Variants in LARP1 observed in about 807,000 individuals in gnomAD.
LARP1 encodes the protein la-related protein 1.
LARP1 carries 36 observed loss-of-function variants against 122.7 expected under a neutral mutation model. That is an observed-to-expected ratio of 0.29 (90% CI 0.22 to 0.39). LARP1 has a LOEUF of 0.39. Ranked by LOEUF, LARP1 falls within the 10% of genes least tolerant of loss-of-function variation. LARP1 has a pLI of 1.00. For synonymous variants in LARP1, 539 were observed against 528.7 expected (o/e 1.02, Z -0.27); for missense variants, 1,040 against 1,403.6 (o/e 0.74, Z 4.14).
At chr5:154,752,480 T>C (rs975302410), upstream of LARP1, among the ~76,000 whole-genome samples, 2 of 151,950 alleles carry the variant, frequency 1.3e-5, no homozygotes, top group African/African-American at 4.8e-5. Flanking sequence ...TGACCTCAGG[T>C]GATCTGCCTG....
intron 1 of LARP1, among the ~76,000 whole-genome samples, chr5:154,725,082 A>C (rs1296181321): frequency 6.6e-6 from 1 of 151,894 alleles, no homozygotes; most frequent in East Asian, 1.9e-4. Flanking sequence ...TTGTCTCTAC[A>C]AAAAAACTTT....
At chr5:154,797,229 T>G (rs1346775124) in intron 8 of LARP1, among the ~76,000 whole-genome samples, 81 of 121,776 alleles carry the variant, frequency 6.7e-4, no homozygotes, top group African/African-American at 2.7e-3. Context: ...TTGTTTTTTT[T>G]TTTTTTTTTT....
intron 1 of LARP1, among the ~76,000 whole-genome samples, chr5:154,775,360 G>A (rs1281517654): frequency 6.6e-6 from 1 of 151,988 alleles, no homozygotes. Context: ...GGGTGTGGTG[G>A]CAAGCACCTA....
chr5:154,708,526 C>T (rs895389384), upstream of LARP1, among the ~76,000 whole-genome samples: 2 of 152,166 alleles, frequency 1.3e-5, no homozygotes, highest in Non-Finnish European at 2.9e-5. Flanking sequence ...TGTCCATTTC[C>T]TCACAGAGCT....
chr5:154,794,009 G>A lies in LARP1; in HGVS notation c.1069+9G>A. 3 of 1,608,448 alleles carry A rather than the reference G, an allele frequency of 1.9e-6. No individual in the cohort carries two copies. The highest frequency in any genetic ancestry group is 2.6e-6 in the Non-Finnish European group (3 of 1,176,134). ...CCGGGGTGGCACTCGAAGTACGTGA[G>A]GCCCCTTTGGGCTCCGGGATGTCCA... On this transcript the variant is annotated intron_variant, in intron 6 of 18. Transcript: ENST00000518297.
At chr5:154,756,695 G>A (rs907690594) in intron 1 of LARP1, among the ~76,000 whole-genome samples, 1 of 152,156 alleles carries the variant, frequency 6.6e-6, no homozygotes, top group African/African-American at 2.4e-5. Context: ...GCACGGATGC[G>A]GGGATTAAAA....
chr5:154,688,424 C>T (rs1212220637), intron 1 of LARP1, among the ~76,000 whole-genome samples: 8 of 151,850 alleles, frequency 5.3e-5, no homozygotes, highest in Non-Finnish European at 8.8e-5. Flanking sequence ...GCTGAGTGGG[C>T]AGATCACGTG....
At chr5:154,771,632 A>G (rs999949685) in intron 1 of LARP1, among the ~76,000 whole-genome samples, 13 of 152,180 alleles carry the variant, frequency 8.5e-5, no homozygotes, top group African/African-American at 2.4e-4. Context: ...TGATATCTGT[A>G]TAGGGCTGTT....
In LARP1 at chr5:154,813,942, G is replaced by T; in HGVS notation, c.3137G>T (p.Gly1046Val). ...CGACACTCAGTGGTAGCAGGAGGTG[G>T]CGGCGGTGAGGGCAGGAAGCGGTGC... ...HKRHSVVAGGGGGEGRKRCPS... is the reference protein window; with the variant it reads ...HKRHSVVAGGVGGEGRKRCPS... The change falls in exon 19 of 19, where the codon GGC becomes GTC. Residue 1046 changes from glycine (G) to valine (V), a missense_variant. Gly to Val is a moderately radical substitution (Grantham distance 109). Coordinates refer to ENST00000518297, the MANE Select transcript of LARP1 (RefSeq NM_033551.3). 1.2e-6 allele frequency: 2 copies of T among 1,614,094 alleles called. No individual in the cohort carries two copies. Among genetic ancestry groups the T allele is most frequent in the Non-Finnish European group, 1.7e-6 (2 of 1,179,982 alleles).
intron 1 of LARP1, among the ~76,000 whole-genome samples, chr5:154,695,874 A>G (rs1157694340): frequency 7.1e-6 from 1 of 141,682 alleles, no homozygotes; most frequent in Non-Finnish European, 1.5e-5. Context: ...CTCTATCTCG[A>G]AAAAAAAAAA....
At chr5:154,733,581 G>C (rs373438155) in intron 1 of LARP1, among the ~76,000 whole-genome samples, 75 of 127,258 alleles carry the variant, frequency 5.9e-4, no homozygotes, top group African/African-American at 2.1e-3. Flanking sequence ...TTTTTTTTTG[G>C]AGACGGAGTC....
chr5:154,712,823 G>A (rs1755282429), upstream of LARP1: 2 of 1,043,392 alleles, frequency 1.9e-6, no homozygotes, highest in Non-Finnish European at 2.9e-6. Context: ...AACTAGCCTG[G>A]CAACCTGGAG....
chr5:154,779,206 A>G (rs1756187955), intron 1 of LARP1, among the ~76,000 whole-genome samples: 1 of 152,090 alleles, frequency 6.6e-6, no homozygotes, highest in Admixed American at 6.6e-5. Context: ...TCCTGGGATC[A>G]TCTCGGTAAG....
chr5:154,802,401 T>C lies in LARP1; in HGVS notation c.2109+2T>C. The C allele has an allele frequency of 6.3e-7, 1 of 1,592,976 alleles. No individual in the cohort carries two copies. On this transcript the variant is annotated splice_donor_variant, in intron 11 of 18. Coordinates refer to ENST00000518297, the MANE Select transcript of LARP1 (RefSeq NM_033551.3). LOFTEE classifies it high-confidence loss of function. This position sits in a 1 kb window ranked among gnomAD's most constrained non-coding sequence, Gnocchi z 5.1. The stretch of plus-strand genomic sequence containing the variant: ...GAACCTGAGTATTCCCAGATCAAGG[T>C]GAGGCTTGGACATAGCAGTGAGTGT...
At chr5:154,717,615 C>G (rs1270288993) in intron 1 of LARP1, among the ~76,000 whole-genome samples, 1 of 152,190 alleles carries the variant, frequency 6.6e-6, no homozygotes. Context: ...CACTTCACTG[C>G]TATTCTTTGT....
At chr5:154,788,029 T>C (rs1382070964) in intron 1 of LARP1, among the ~76,000 whole-genome samples, 1 of 152,240 alleles carries the variant, frequency 6.6e-6, no homozygotes, top group Non-Finnish European at 1.5e-5. Flanking sequence ...GTTAGTGAAG[T>C]TGGCGTTGGT....
intron 16 of LARP1, among the ~76,000 whole-genome samples, chr5:154,808,980 T>A (rs1454608686): frequency 6.6e-6 from 1 of 152,176 alleles, no homozygotes; most frequent in East Asian, 1.9e-4. Context: ...TATAATATTT[T>A]TTGCACCTTG....
chr5:154,785,098 T>C (rs1195785341), intron 1 of LARP1, among the ~76,000 whole-genome samples: 2 of 152,228 alleles, frequency 1.3e-5, no homozygotes, highest in Non-Finnish European at 2.9e-5. Context: ...CTGTGATAAA[T>C]TCCCCCATCT....
Position 154,804,254 on chromosome 5 carries a change from T to A in LARP1, c.2493T>A (p.His831Gln). Residue 831 changes from histidine (H) to glutamine (Q), a missense_variant, in exon 14 of 19, where the codon CAT (histidine) becomes CAA (glutamine). This residue lies in a region of LARP1 where 18 missense variants were observed against 60.2 expected (regional missense o/e 0.30). Transcript: ENST00000518297. ...RHSSNPPLESHVGWVMDSREH... is the reference protein window; with the variant it reads ...RHSSNPPLESQVGWVMDSREH... ...GTTCAAACCCACCCTTGGAGAGCCA[T>A]GTGGGCTGGGTGATGGATTCCCGTG... 1 of 1,614,096 alleles carries A rather than the reference T, an allele frequency of 6.2e-7. No homozygotes were observed. The highest frequency in any genetic ancestry group is 8.5e-7 in the Non-Finnish European group (1 of 1,179,994).
Sources: allele counts gnomAD v4.1 joint callset (sites outside exome capture counted in the v4.1 genomes callset), GRCh38; gene constraint gnomAD v4.1.1; regional missense constraint gnomAD v4.1.1; non-coding constraint Gnocchi (gnomAD v3.1); transcripts MANE v1.5; gene names NCBI Gene and HGNC (gene_info 2026-07-23, HGNC 2026-07-21).